USP45: variants seen among roughly 807,000 people sequenced by gnomAD.
USP45 encodes the protein ubiquitin carboxyl-terminal hydrolase 45.
A neutral mutation model predicts 95.8 loss-of-function variants in USP45; 89 were observed. The ratio of observed to expected loss-of-function variants is 0.93; its 90% CI spans 0.78 to 1.11. The LOEUF (loss-of-function observed/expected upper bound fraction) is 1.11, where lower values mean the gene tolerates loss of function less well. USP45 is among the 50% of genes least tolerant of loss of function. The probability of loss-of-function intolerance (pLI) is 0.00; values close to 1 mark genes in which losing one functional copy is unlikely to be tolerated. For synonymous variants in USP45, 281 were observed against 316.2 expected, an observed-to-expected ratio of 0.89 and a Z score of 1.18; for missense variants, 898 against 942.5, an observed-to-expected ratio of 0.95 and a Z score of 0.62.
At position 99,503,795 on chromosome 6, in the gene USP45, G is replaced by GA. The variant is rs777477713; in HGVS notation, c.447dup (p.Leu150SerfsTer7). 6.2e-7 allele frequency: 1 copy of GA among 1,601,282 alleles called. No homozygotes were observed. Among genetic ancestry groups the GA allele is most frequent in the Non-Finnish European group, 8.5e-7 (1 of 1,174,034 alleles). ...TGTGTTTTAGAAGCATGTTTCTGGA[G>GA]AAAATCAACTATCTGAGCCAAAACC... On this transcript the variant is annotated frameshift_variant, in exon 5 of 18. Transcript: ENST00000500704. LOFTEE classifies it high-confidence loss of function.
intron 11 of USP45, among the ~76,000 whole-genome samples, chr6:99,466,297 G>T (rs1017562688): frequency 6.6e-6 from 1 of 152,156 alleles, no homozygotes; most frequent in Non-Finnish European, 1.5e-5. Context: ...TGGGATTATA[G>T]GCATGAGCCA....
chr6:99,435,089 T>TACA lies in USP45; in HGVS notation c.*626_*627insTGT, dbSNP rs1780254549. On this transcript the variant is annotated 3_prime_UTR_variant, in exon 18 of 18. Transcript: ENST00000500704. ...CCAGGGAACTACACCGTATTAGGTG[T>TACA]TACTTCATGAAATTATGTGTTATAG... 2 of 152,588 alleles carry TACA rather than the reference T, an allele frequency of 1.3e-5. No homozygotes were observed. Among genetic ancestry groups the TACA allele is most frequent in the South Asian group, 2.1e-4 (1 of 4,834 alleles). 9.5% of individuals were successfully genotyped at this position (152,588 alleles called of 1,614,324 possible).
chr6:99,504,425 C>T (rs1307303028), intron 4 of USP45, among the ~76,000 whole-genome samples: 1 of 152,196 alleles, frequency 6.6e-6, no homozygotes, highest in African/African-American at 2.4e-5. Context: ...CCGGTGTGAG[C>T]TACCACACCC....
At chr6:99,471,856 G>A (rs1206953572) in intron 9 of USP45, among the ~76,000 whole-genome samples, 1 of 152,178 alleles carries the variant, frequency 6.6e-6, no homozygotes, top group East Asian at 1.9e-4. Context: ...TCCCAGGCCA[G>A]ACAATGCAGC....
rs1780172930 is a variant in USP45 at position 99,434,593 on chromosome 6, G to A, written c.*1123C>T. On this transcript the variant is annotated 3_prime_UTR_variant, in exon 18 of 18. Coordinates refer to ENST00000500704, the MANE Select transcript of USP45 (RefSeq NM_001346022.3). ...TGATATTTTTGCTATTATTTAAAAA[G>A]AAAATCAAAAATGCCAGCTTAATGC... 6.6e-6 allele frequency: 1 copy of A among 151,926 alleles called. No homozygotes were observed. Among genetic ancestry groups the A allele is most frequent in the South Asian group, 2.1e-4 (1 of 4,828 alleles). The allele number at this position is 151,926 out of a possible 1,614,324, so 9.4% of individuals were successfully genotyped here.
In USP45 at chr6:99,482,741, A is replaced by G; in HGVS notation, c.845+12T>C. 6.3e-7 allele frequency: 1 copy of G among 1,586,618 alleles called. No homozygotes were observed. Among genetic ancestry groups the G allele is most frequent in the South Asian group, 1.2e-5 (1 of 84,694 alleles). The stretch of plus-strand genomic sequence containing the variant: ...ACTCATAATTATTTATATTAAATGT[A>G]GATGCACCCACTTCTGACAAAGCTG... On this transcript the variant is annotated intron_variant, in intron 8 of 17. Transcript: ENST00000500704.
chr6:99,447,476 C>CT (rs909792682), intron 13 of USP45, among the ~76,000 whole-genome samples: 5 of 151,956 alleles, frequency 3.3e-5, no homozygotes, highest in Non-Finnish European at 5.9e-5. Context: ...TTATATAGTA[C>CT]TTTTTTTTGG....
Position 99,446,083 on chromosome 6 carries a change from A to C in USP45, c.1689T>G (p.Arg563=), listed in dbSNP as rs1782489335. 1.9e-6 allele frequency: 3 copies of C among 1,613,934 alleles called. No homozygotes were observed. In the South Asian group the frequency reaches 3.3e-5, roughly 18 times the overall value. Residue 563 remains arginine, a synonymous_variant, in exon 14 of 18, where the codon CGT becomes CGG. Coordinates refer to ENST00000500704, the MANE Select transcript of USP45 (RefSeq NM_001346022.3). ...KEMAEAISEL[R]LSSTVTGDQD... ...GATCTCCAGTTACAGTGCTGCTCAA[A>C]CGAAGTTCAGAAATAGCTTCTGCCA...
At chr6:99,464,464 T>G in intron 13 of USP45, 140 bp downstream of exon 13, 1 of 797,062 alleles carries the variant, frequency 1.3e-6, no homozygotes, top group South Asian at 2.1e-5. Flanking sequence ...AGTATACAAG[T>G]AGCCAAGTTG....
At chr6:99,465,596 G>C (rs549381988) in intron 11 of USP45, among the ~76,000 whole-genome samples, 7 of 152,264 alleles carry the variant, frequency 4.6e-5, no homozygotes, top group African/African-American at 1.7e-4. Context: ...AACAACTTCT[G>C]TGTTGAATAG....
At chr6:99,451,966 T>A (rs936564073) in intron 13 of USP45, among the ~76,000 whole-genome samples, 3 of 152,182 alleles carry the variant, frequency 2.0e-5, no homozygotes, top group African/African-American at 2.4e-5. Context: ...CTGGGAAAAC[T>A]GGCTAGCCAT....
intron 10 of USP45, among the ~76,000 whole-genome samples, 157 bp from the exon 11 acceptor site, chr6:99,466,920 T>C (rs1788120855): frequency 6.6e-6 from 1 of 152,184 alleles, no homozygotes; most frequent in Non-Finnish European, 1.5e-5. Context: ...CTAAAGTCTT[T>C]CTCCTTTACA....
intron 13 of USP45, among the ~76,000 whole-genome samples, chr6:99,455,084 C>A: frequency 1.1e-5 from 1 of 92,538 alleles, no homozygotes; most frequent in South Asian, 4.0e-4. Context: ...AGCGACACTC[C>A]ATCTCAAAAA....
At chr6:99,449,247 C>T (rs568581821) in intron 13 of USP45, among the ~76,000 whole-genome samples, 1 of 152,164 alleles carries the variant, frequency 6.6e-6, no homozygotes, top group Admixed American at 6.5e-5. Flanking sequence ...GAGTCAAGAC[C>T]CATCAGTGTG....
chr6:99,461,250 T>C, intron 13 of USP45: 1 of 985,408 alleles, frequency 1.0e-6, no homozygotes, highest in Non-Finnish European at 1.2e-6. Flanking sequence ...GTCTCTACAA[T>C]TATTCAATCA....
chr6:99,509,563 C>T (rs1262603672), intron 2 of USP45, among the ~76,000 whole-genome samples: 2 of 151,750 alleles, frequency 1.3e-5, no homozygotes, highest in African/African-American at 4.8e-5. Context: ...GAAAACCAAG[C>T]CCTGAGGCCA....
intron 9 of USP45, among the ~76,000 whole-genome samples, chr6:99,474,358 T>G (rs1790272348): frequency 1.3e-5 from 2 of 152,134 alleles, no homozygotes; most frequent in African/African-American, 4.8e-5. Context: ...CCACCACGCC[T>G]GGCTAATTTT....
At chr6:99,436,706 C>T (rs947921127) in intron 17 of USP45, among the ~76,000 whole-genome samples, 10 of 152,182 alleles carry the variant, frequency 6.6e-5, no homozygotes, top group African/African-American at 2.4e-4. Flanking sequence ...CACAATGACT[C>T]AGTACCTTAA....
At chr6:99,512,336 TG>T (rs756145101) in intron 1 of USP45, among the ~76,000 whole-genome samples, 322 of 152,302 alleles carry the variant, frequency 2.1e-3, no homozygotes, top group Non-Finnish European at 3.5e-3. Flanking sequence ...AAGCCACTGC[TG>T]GGGGCCCATA....
Sources: gnomAD v4.1 joint callset for allele counts (sites outside exome capture counted in the v4.1 genomes callset) on GRCh38, gnomAD v4.1.1 for gene constraint, MANE v1.5 for transcripts, NCBI Gene and HGNC (gene_info 2026-07-23, HGNC 2026-07-21) for gene names.